The following ASXL3 variants were observed in gnomAD, a reference collection of about 807,000 sequenced individuals.
ASXL3 encodes the protein putative Polycomb group protein ASXL3.
Under a neutral mutation model 170.6 loss-of-function variants are expected in ASXL3, and 34 were observed. The ratio of observed to expected loss-of-function variants is 0.20; its 90% CI spans 0.15 to 0.27. The LOEUF (loss-of-function observed/expected upper bound fraction) is 0.27, where lower values mean the gene tolerates loss of function less well. ASXL3 is among the 10% of genes least tolerant of loss of function. The pLI is 1.00. For synonymous variants in ASXL3, 1,002 were observed against 989.1 expected (o/e 1.01, Z -0.24); for missense variants, 2,592 against 2,695.3 (o/e 0.96, Z 0.85).
At chr18:33,592,619 A>C (rs1393362820) in intron 1 of ASXL3, among the ~76,000 whole-genome samples, 3 of 152,320 alleles carry the variant, frequency 2.0e-5, no homozygotes, top group South Asian at 2.1e-4. Flanking sequence ...CATTTGTTTC[A>C]ATCTGCTGAG....
At chr18:33,736,229 G>C (rs1327238850) in intron 10 of ASXL3, among the ~76,000 whole-genome samples, 1 of 151,984 alleles carries the variant, frequency 6.6e-6, no homozygotes, top group East Asian at 1.9e-4. Context: ...AGATTCCCTT[G>C]GATATCAGAT....
intron 1 of ASXL3, 127 bp downstream of exon 1, chr18:33,578,812 C>T: frequency 1.9e-6 from 1 of 534,396 alleles, no homozygotes. Context: ...GGCTCCTGCT[C>T]TTTGTTATTC....
In ASXL3 at chr18:33,747,248, C is replaced by A. The variant is rs1401528723; in HGVS notation, c.*653C>A. 2 of 152,092 alleles carry A rather than the reference C, an allele frequency of 1.3e-5. No homozygotes were observed. The highest frequency in any genetic ancestry group is 1.3e-4 in the Admixed American group (2 of 15,280). The allele number at this position is 152,092 out of a possible 1,614,324, so 9.4% of individuals were successfully genotyped here. ...CTGGATCTTCCTTGGATTTTGTACA[C>A]ATATTGTAGTGAAATGTGTCCTACA... On this transcript the variant is annotated 3_prime_UTR_variant, in exon 12 of 12. Transcript: ENST00000269197.
chr18:33,650,130 A>G (rs777892961), intron 4 of ASXL3, among the ~76,000 whole-genome samples: 1 of 152,160 alleles, frequency 6.6e-6, no homozygotes, highest in Non-Finnish European at 1.5e-5. Context: ...TTAGAGAATC[A>G]TCAGCATGGA....
At chr18:33,633,870 A>C (rs2065724616) in intron 2 of ASXL3, among the ~76,000 whole-genome samples, 1 of 151,026 alleles carries the variant, frequency 6.6e-6, no homozygotes, top group Admixed American at 6.7e-5. Flanking sequence ...AAAAAATTCA[A>C]GTAACAATTA....
intron 1 of ASXL3, among the ~76,000 whole-genome samples, chr18:33,597,331 A>G (rs1426809499): frequency 2.0e-5 from 3 of 152,060 alleles, no homozygotes; most frequent in African/African-American, 4.8e-5. Flanking sequence ...TTGTTCTTCA[A>G]CATGTTTATT....
At chr18:33,729,428 T>C (rs551542529) in intron 8 of ASXL3, among the ~76,000 whole-genome samples, 1 of 152,270 alleles carries the variant, frequency 6.6e-6, no homozygotes, top group East Asian at 1.9e-4. Context: ...TATAGACTTA[T>C]GTTGGAACTA....
At chr18:33,635,192 A>G (rs2065746113) in intron 2 of ASXL3, among the ~76,000 whole-genome samples, 1 of 152,214 alleles carries the variant, frequency 6.6e-6, no homozygotes, top group African/African-American at 2.4e-5. Flanking sequence ...TAGAGCCTCA[A>G]AACACGTGTA....
At chr18:33,668,377 G>A (rs1235832222) in intron 5 of ASXL3, among the ~76,000 whole-genome samples, 13 of 149,128 alleles carry the variant, frequency 8.7e-5, no homozygotes, top group Non-Finnish European at 1.0e-4. Flanking sequence ...GCAGTGAGCC[G>A]AGATTGCACC....
At position 33,582,734 on chromosome 18, in the gene ASXL3, G is replaced by T. The variant is rs1195552333; in HGVS notation, c.54+4049G>T. ...TGTGTGTGTGTGTGTGTGTGTGTGT[G>T]TGTGTGTTTTCTTGGTAGTTCAAGG... On this transcript the variant is annotated intron_variant, in intron 1 of 11. Transcript: ENST00000269197. 3.1e-3 allele frequency among the ~76,000 whole-genome samples: 442 copies of T among 142,734 alleles called. 2 individuals are homozygous for T. Among genetic ancestry groups the T allele is most frequent in the African/African-American group, 0.011 (427 of 39,550 alleles). The allele number at this position is 142,734 out of a possible 152,430, so 93.6% of individuals were successfully genotyped here. A position where few individuals can be genotyped will look rare whatever the true frequency, so the allele number is the denominator to read the frequency against.
At chr18:33,712,210 T>C (rs933194521) in intron 8 of ASXL3, among the ~76,000 whole-genome samples, 1 of 152,208 alleles carries the variant, frequency 6.6e-6, no homozygotes, top group Non-Finnish European at 1.5e-5. Context: ...CTGATACATT[T>C]ATTTATTTAT....
chr18:33,590,298 T>A (rs1290067478), intron 1 of ASXL3, among the ~76,000 whole-genome samples: 1 of 151,934 alleles, frequency 6.6e-6, no homozygotes, highest in Non-Finnish European at 1.5e-5. Flanking sequence ...TCTCTCTTAT[T>A]TTTTAAGTGC....
At chr18:33,641,158 C>G (rs1363276687) in intron 2 of ASXL3, among the ~76,000 whole-genome samples, 1 of 152,020 alleles carries the variant, frequency 6.6e-6, no homozygotes, top group African/African-American at 2.4e-5. Flanking sequence ...ATTCCTTTCA[C>G]TAAGTATTCA....
chr18:33,633,810 A>G (rs918552084), intron 2 of ASXL3, among the ~76,000 whole-genome samples: 7 of 148,298 alleles, frequency 4.7e-5, no homozygotes, highest in Non-Finnish European at 4.4e-5. Flanking sequence ...AGGCCACTGC[A>G]TTACAGCCTG....
At chr18:33,627,054 C>T (rs886487845) in intron 2 of ASXL3, 2 of 152,488 alleles carry the variant, frequency 1.3e-5, no homozygotes, top group African/African-American at 4.8e-5. Context: ...TGGAGTGGTT[C>T]CGTTCATTCC....
At position 33,671,802 on chromosome 18, in the gene ASXL3, G is replaced by A. The variant is rs2066346619; in HGVS notation, c.651G>A (p.Gly217=). The change falls in exon 7 of 12, where the codon GGG becomes GGA. Residue 217 remains glycine (G), a synonymous_variant. Coordinates refer to ENST00000269197, the MANE Select transcript of ASXL3 (RefSeq NM_030632.3). ...ADSSDKEMKH[G]QKSPTGKQTS... is the part of the protein sequence containing the mutation. ...GTTCAGATAAAGAAATGAAACATGGGCAAAAATCTCCCACTGGAAAACAAA... is the reference window on the plus strand; with the variant it reads ...GTTCAGATAAAGAAATGAAACATGGACAAAAATCTCCCACTGGAAAACAAA... 4.3e-6 allele frequency: 7 copies of A among 1,610,890 alleles called. No individual in the cohort carries two copies. The highest frequency in any genetic ancestry group is 1.7e-5 in the Admixed American group (1 of 59,778).
chr18:33,700,294 G>A (rs2066848650), intron 8 of ASXL3, among the ~76,000 whole-genome samples: 1 of 152,010 alleles, frequency 6.6e-6, no homozygotes, highest in Admixed American at 6.6e-5. Flanking sequence ...TGGAATAGGT[G>A]GTTATTGAGG....
chr18:33,732,316 C>T lies in ASXL3; in HGVS notation c.976+252C>T, dbSNP rs113843395. 3.3e-5 allele frequency among the ~76,000 whole-genome samples: 5 copies of T among 152,102 alleles called. No individual in the cohort carries two copies. In the South Asian group the frequency reaches 6.2e-4, roughly 19 times the overall value. ...TTTTTGATGCAGCAACATTTTCTTG[C>T]GGATGGTAATTTTAATGACATTGTT... On this transcript the variant is annotated intron_variant, in intron 9 of 11. Coordinates refer to ENST00000269197, the MANE Select transcript of ASXL3 (RefSeq NM_030632.3).
chr18:33,644,386 T>G (rs1225320584), intron 2 of ASXL3, among the ~76,000 whole-genome samples: 2 of 151,972 alleles, frequency 1.3e-5, no homozygotes, highest in Non-Finnish European at 1.5e-5. Context: ...TAAATACTTA[T>G]AATTTCAAAT....
Sources: allele counts gnomAD v4.1 joint callset (sites outside exome capture counted in the v4.1 genomes callset), GRCh38; gene constraint gnomAD v4.1.1; transcripts MANE v1.5; gene names NCBI Gene and HGNC (gene_info 2026-07-23, HGNC 2026-07-21).